The following HDAC9 variants were observed in gnomAD, a reference collection of about 807,000 sequenced individuals.
The protein encoded by HDAC9 is histone deacetylase 9, also known as MEF-2 interacting transcription repressor (MITR) protein.
In HDAC9, 41 loss-of-function variants were observed where a neutral mutation model predicts 139.4. That is an observed-to-expected ratio of 0.29 (90% CI 0.23 to 0.38). The LOEUF (loss-of-function observed/expected upper bound fraction) is 0.38, where lower values mean the gene tolerates loss of function less well. HDAC9 is among the 10% of genes least tolerant of loss of function. HDAC9 has a pLI of 1.00. For missense variants in HDAC9, 1,147 were observed against 1,297.0 expected (o/e 0.88, Z 1.78); for synonymous variants, 517 against 476.2 (o/e 1.09, Z -1.12).
At position 18,736,634 on chromosome 7, in the gene HDAC9, G is replaced by T. The variant is rs183936949; in HGVS notation, c.1909+8877G>T. On this transcript the variant is annotated intron_variant, in intron 13 of 25. Transcript: ENST00000686413. ...TTTGATATGCTGCTGGATTCGGTTT[G>T]CCAGGATTTTATTGAGGATATTCAC... Among the ~76,000 whole-genome samples, 24 of 152,274 alleles carry T rather than the reference G, an allele frequency of 1.6e-4. No homozygotes were observed. The East Asian group carries it at 2.5e-3, about 16-fold the overall frequency.
At chr7:18,668,638 C>A in intron 12 of HDAC9, 1 of 983,544 alleles carries the variant, frequency 1.0e-6, no homozygotes, top group South Asian at 4.7e-5. Context: ...AAGAAACTAC[C>A]TGGAACCAGT....
intron 22 of HDAC9, among the ~76,000 whole-genome samples, chr7:18,912,116 A>C (rs1802793555): frequency 6.6e-6 from 1 of 151,994 alleles, no homozygotes; most frequent in Non-Finnish European, 1.5e-5. Context: ...ATATTGGGAT[A>C]TCTCTCTCTC....
At chr7:18,231,752 G>A (rs184587854) in intron 2 of HDAC9, among the ~76,000 whole-genome samples, 3 of 152,260 alleles carry the variant, frequency 2.0e-5, no homozygotes, top group Admixed American at 6.5e-5. Flanking sequence ...TTCTCATTAC[G>A]TTGGCTTTGG....
chr7:18,939,439 A>C (rs1055012623), intron 23 of HDAC9, among the ~76,000 whole-genome samples: 1 of 152,230 alleles, frequency 6.6e-6, no homozygotes, highest in African/African-American at 2.4e-5. Flanking sequence ...TGTACATTAT[A>C]ATTCATTTGG....
chr7:18,862,253 T>A (rs1798163804), intron 21 of HDAC9, among the ~76,000 whole-genome samples: 1 of 152,100 alleles, frequency 6.6e-6, no homozygotes, highest in Non-Finnish European at 1.5e-5. Flanking sequence ...ACTTTTCTTA[T>A]CAAATGCAAG....
intron 12 of HDAC9, among the ~76,000 whole-genome samples, chr7:18,701,581 T>G (rs1163406117): frequency 6.6e-6 from 1 of 152,214 alleles, no homozygotes; most frequent in Non-Finnish European, 1.5e-5. Flanking sequence ...ATGTTGCATA[T>G]TTTTAATAGA....
intron 3 of HDAC9, among the ~76,000 whole-genome samples, chr7:18,587,368 T>C (rs994589764): frequency 1.6e-4 from 25 of 152,188 alleles, no homozygotes; most frequent in African/African-American, 5.8e-4. Context: ...TTTTCCAAAA[T>C]AATAATTTGT....
chr7:18,434,229 C>T (rs189657601), intron 1 of HDAC9, among the ~76,000 whole-genome samples: 2 of 152,226 alleles, frequency 1.3e-5, no homozygotes, highest in Non-Finnish European at 2.9e-5. Context: ...GATTGAAACT[C>T]GACCCCTTCC....
At chr7:18,109,966 C>T (rs1372855563) in intron 1 of HDAC9, among the ~76,000 whole-genome samples, 1 of 152,160 alleles carries the variant, frequency 6.6e-6, no homozygotes, top group Non-Finnish European at 1.5e-5. Flanking sequence ...TTGCTCACCC[C>T]ATGATTTCTC....
chr7:18,926,836 C>G (rs1804274446), intron 22 of HDAC9, among the ~76,000 whole-genome samples: 1 of 152,202 alleles, frequency 6.6e-6, no homozygotes, highest in East Asian at 1.9e-4. Flanking sequence ...ATAAACTTAC[C>G]TCCTGGAGCA....
upstream of HDAC9, among the ~76,000 whole-genome samples, chr7:18,286,320 C>G (rs1797449469): frequency 6.6e-6 from 1 of 151,256 alleles, no homozygotes; most frequent in African/African-American, 2.4e-5. Flanking sequence ...CAATTAGTCC[C>G]TCTCTATCCA....
At chr7:18,576,389 G>A (rs1053376431) in intron 2 of HDAC9, among the ~76,000 whole-genome samples, 6 of 152,014 alleles carry the variant, frequency 3.9e-5, no homozygotes, top group Non-Finnish European at 8.8e-5. Context: ...GGGCCAGTCG[G>A]GCTGACTCAT....
intron 2 of HDAC9, among the ~76,000 whole-genome samples, chr7:18,498,702 G>A (rs927956975): frequency 2.0e-5 from 3 of 152,036 alleles, no homozygotes; most frequent in Non-Finnish European, 2.9e-5. Context: ...ATTCTAGCAT[G>A]AGCTCCACTG....
At chr7:18,308,448 T>G (rs182184522) in intron 1 of HDAC9, among the ~76,000 whole-genome samples, 1 of 152,330 alleles carries the variant, frequency 6.6e-6, no homozygotes, top group African/African-American at 2.4e-5. Flanking sequence ...TAATCATCAT[T>G]TGCTGTAAAT....
At chr7:18,293,574 A>G (rs1797957209) in intron 1 of HDAC9, among the ~76,000 whole-genome samples, 1 of 152,132 alleles carries the variant, frequency 6.6e-6, no homozygotes, top group African/African-American at 2.4e-5. Flanking sequence ...ATCTTCCAGA[A>G]TTGTTCCATC....
Position 18,908,878 on chromosome 7 carries a change from A to C in HDAC9, c.2804-26931A>C, listed in dbSNP as rs536863449. Among the ~76,000 whole-genome samples the C allele has an allele frequency of 5.8e-4, 88 of 152,180 alleles. 1 individual carries two copies. The highest frequency in any genetic ancestry group is 6.9e-4 in the Non-Finnish European group (47 of 67,932). On this transcript the variant is annotated intron_variant, in intron 22 of 25. Transcript: ENST00000686413. ...TACTGCAATAAATACAAAAGTGCAG[A>C]TATTCCCTCAACACATTGATTTCCT...
intron 2 of HDAC9, among the ~76,000 whole-genome samples, chr7:18,562,502 T>G (rs1253348571): frequency 6.6e-6 from 1 of 152,150 alleles, no homozygotes; most frequent in Non-Finnish European, 1.5e-5. Context: ...CAGCACCATT[T>G]GTTGAAAAAC....
intron 8 of HDAC9, among the ~76,000 whole-genome samples, chr7:18,635,617 C>A (rs909237967): frequency 6.6e-6 from 1 of 152,000 alleles, no homozygotes; most frequent in African/African-American, 2.4e-5. Flanking sequence ...TGACTGAAAG[C>A]CTTATTTTTG....
At chr7:18,535,360 T>G (rs1470581977) in intron 2 of HDAC9, among the ~76,000 whole-genome samples, 1 of 152,030 alleles carries the variant, frequency 6.6e-6, no homozygotes, top group Non-Finnish European at 1.5e-5. Context: ...TTATTATTTA[T>G]AATATGAAAT....
Sources: gnomAD v4.1 joint callset for allele counts (sites outside exome capture counted in the v4.1 genomes callset) on GRCh38, gnomAD v4.1.1 for gene constraint, MANE v1.5 for transcripts, NCBI Gene and HGNC (gene_info 2026-07-23, HGNC 2026-07-21) for gene names.